The following PNKD variants were observed in gnomAD, a reference collection of about 807,000 sequenced individuals.
The protein encoded by PNKD is PNKD metallo-beta-lactamase domain containing, also known as probable thioesterase PNKD.
PNKD carries 36 observed loss-of-function variants against 45.3 expected under a neutral mutation model. That is an observed-to-expected ratio of 0.80 (90% CI 0.61 to 1.05). The LOEUF is 1.05. PNKD is among the 50% of genes least tolerant of loss of function. The pLI is 0.00. For synonymous variants in PNKD, 197 were observed against 210.1 expected (o/e 0.94, Z 0.54); for missense variants, 511 against 506.6 (o/e 1.01, Z -0.08).
chr2:218,293,324 C>T (rs920805358), intron 2 of PNKD, among the ~76,000 whole-genome samples: 2 of 152,176 alleles, frequency 1.3e-5, no homozygotes, highest in Admixed American at 6.5e-5. Context: ...CTCACACCTG[C>T]GATCCTAGCA....
chr2:218,340,633 T>C lies in PNKD; in HGVS notation c.466-95T>C. 1.1e-6 allele frequency: 1 copy of C among 879,022 alleles called. No individual in the cohort carries two copies. Among genetic ancestry groups the C allele is most frequent in the Non-Finnish European group, 2.0e-6 (1 of 511,810 alleles). 54.5% of individuals were successfully genotyped at this position (879,022 alleles called of 1,614,324 possible). A position where few individuals can be genotyped will look rare whatever the true frequency, so the allele number is the denominator to read the frequency against. On this transcript the variant is annotated intron_variant, in intron 4 of 9. Transcript: ENST00000273077. This position sits in a 1 kb window ranked among gnomAD's most constrained non-coding sequence, Gnocchi z 4.2. ...TCTGCTTCATCTCTCCATGCTCTCC[T>C]CTCCTCTCCACCAGCGCCCACACTC...
intron 2 of PNKD, among the ~76,000 whole-genome samples, chr2:218,298,395 C>T (rs986040608): frequency 6.6e-6 from 1 of 152,320 alleles, no homozygotes. Flanking sequence ...TGGTGATAGA[C>T]AGTCCTGGGT....
chr2:218,343,822 T>G (rs757998893), intron 8 of PNKD, among the ~76,000 whole-genome samples: 2 of 152,178 alleles, frequency 1.3e-5, no homozygotes, highest in Non-Finnish European at 2.9e-5. Flanking sequence ...GCCTTCAGCC[T>G]CTTGGGAGCC....
intron 2 of PNKD, chr2:218,278,054 T>TG (rs1194949157): frequency 1.3e-6 from 2 of 1,500,580 alleles, no homozygotes; most frequent in Admixed American, 3.6e-5. Flanking sequence ...AGGAAGCGCT[T>TG]GGCTCCTGTG....
At chr2:218,306,973 C>G (rs1422381157) in intron 2 of PNKD, among the ~76,000 whole-genome samples, 3 of 152,186 alleles carry the variant, frequency 2.0e-5, no homozygotes, top group Non-Finnish European at 4.4e-5. Flanking sequence ...TACACCTAAA[C>G]CTACCAAACA....
chr2:218,315,012 T>TTTTCTTTTTC (rs1553667686), intron 2 of PNKD, among the ~76,000 whole-genome samples: 1 of 4,052 alleles, frequency 2.5e-4, no homozygotes, highest in South Asian at 6.2e-3. Flanking sequence ...CTTTCTTTCT[T>TTTTCTTTTTC]TTTCTTTCTT....
chr2:218,299,938 G>A (rs1192196637), intron 2 of PNKD, among the ~76,000 whole-genome samples: 1 of 151,286 alleles, frequency 6.6e-6, no homozygotes, highest in Non-Finnish European at 1.5e-5. Flanking sequence ...GTAATTTTTT[G>A]TAAAGATGGG....
At chr2:218,279,235 G>A (rs1327624249) in intron 2 of PNKD, 3 of 1,560,220 alleles carry the variant, frequency 1.9e-6, no homozygotes, top group Non-Finnish European at 2.6e-6. Context: ...CCCCCAGCAG[G>A]TGACCCTGAA....
chr2:218,324,651 T>C (rs892521523), intron 2 of PNKD, among the ~76,000 whole-genome samples: 6 of 152,168 alleles, frequency 3.9e-5, no homozygotes, highest in Non-Finnish European at 7.3e-5. Flanking sequence ...GAAAAATATT[T>C]AGGCCAGGTG....
At position 218,340,145 on chromosome 2, in the gene PNKD, A is replaced by C. The variant is rs1316146066; in HGVS notation, c.465+4A>C. Reference sequence around the variant, plus strand: ...TTCAGACCCTCGGGCTGTGCAGGTGAGGGGAGGGCAGGGAGCAGGGGGTGC... The same window carrying C: ...TTCAGACCCTCGGGCTGTGCAGGTGCGGGGAGGGCAGGGAGCAGGGGGTGC... On this transcript the variant is annotated splice_donor_region_variant and intron_variant, in intron 4 of 9. Transcript: ENST00000273077. This position sits in a 1 kb window ranked among gnomAD's most constrained non-coding sequence, Gnocchi z 4.2. 6.3e-7 allele frequency: 1 copy of C among 1,581,204 alleles called. No homozygotes were observed. The highest frequency in any genetic ancestry group is 8.7e-7 in the Non-Finnish European group (1 of 1,150,960).
chr2:218,280,076 C>T (rs748185606), intron 2 of PNKD: 25 of 1,614,016 alleles, frequency 1.5e-5, no homozygotes, highest in South Asian at 9.9e-5. Flanking sequence ...TCTCCAGGCC[C>T]GAAGCTATCA....
At chr2:218,309,758 C>T (rs552470036) in intron 2 of PNKD, among the ~76,000 whole-genome samples, 1 of 151,232 alleles carries the variant, frequency 6.6e-6, no homozygotes, top group African/African-American at 2.4e-5. Flanking sequence ...ATGGTGAGAC[C>T]CCATCTCTAC....
chr2:218,336,631 C>A lies in PNKD; in HGVS notation c.237-3152C>A, dbSNP rs566407430. On this transcript the variant is annotated intron_variant, in intron 2 of 9. Transcript: ENST00000273077. ...AAGTAGCTGGGACCACAAGTGCATGCCACCATGCCTGCCTAATTTTTGCAT... is the reference window on the plus strand; with the variant it reads ...AAGTAGCTGGGACCACAAGTGCATGACACCATGCCTGCCTAATTTTTGCAT... Among the ~76,000 whole-genome samples, 10 of 151,922 alleles carry A rather than the reference C, an allele frequency of 6.6e-5. No homozygotes were observed. The South Asian group carries it at 1.9e-3, about 28-fold the overall frequency.
At chr2:218,333,975 C>T (rs777792271) in intron 2 of PNKD, among the ~76,000 whole-genome samples, 6 of 81,570 alleles carry the variant, frequency 7.4e-5, no homozygotes, top group Non-Finnish European at 1.8e-4. Flanking sequence ...ATTAGCCGGG[C>T]GTGGTGGCGG....
intron 2 of PNKD, among the ~76,000 whole-genome samples, chr2:218,317,699 T>C (rs781243146): frequency 6.6e-6 from 1 of 152,006 alleles, no homozygotes; most frequent in Non-Finnish European, 1.5e-5. Flanking sequence ...GCAGAGGACG[T>C]TGGGGAAGGA....
Position 218,272,828 on chromosome 2 carries a change from G to C in PNKD, c.236+1279G>C, listed in dbSNP as rs369843065. The C allele has an allele frequency of 3.1e-6, 5 of 1,611,800 alleles. No homozygotes were observed. The South Asian group carries it at 4.4e-5, about 14-fold the overall frequency. ...TCAGGTTTGGCCCAGATTCCAGTTC[G>C]TGCCTCTGAGGTCCACCAGAGGGCG... On this transcript the variant is annotated intron_variant, in intron 2 of 9. Transcript: ENST00000273077.
Position 218,339,879 on chromosome 2 carries a change from C to G in PNKD, c.333C>G (p.Thr111=), listed in dbSNP as rs1239020217. ...RNRYPKGHSK[T]QPRLFNGVKV... Reference sequence around the variant, plus strand: ...GCTACCCTAAAGGCCACTCGAAAACCCAGCCCCGCCTCTTCAATGGTGAGC... The same window carrying G: ...GCTACCCTAAAGGCCACTCGAAAACGCAGCCCCGCCTCTTCAATGGTGAGC... Residue 111 remains threonine (T), a synonymous_variant, in exon 3 of 10, where the codon ACC becomes ACG. Transcript: ENST00000273077. 6.3e-7 allele frequency: 1 copy of G among 1,596,078 alleles called. No homozygotes were observed. Among genetic ancestry groups the G allele is most frequent in the South Asian group, 1.1e-5 (1 of 90,002 alleles).
intron 2 of PNKD, among the ~76,000 whole-genome samples, chr2:218,321,356 C>T (rs560986571): frequency 4.9e-4 from 74 of 152,244 alleles, no homozygotes; most frequent in African/African-American, 1.7e-3. Context: ...AGTTTTCTCA[C>T]TCCTCTGTCT....
chr2:218,275,859 G>A (rs1691151972), intron 2 of PNKD, among the ~76,000 whole-genome samples: 1 of 152,186 alleles, frequency 6.6e-6, no homozygotes, highest in African/African-American at 2.4e-5. Context: ...AACAAGAGAT[G>A]GCAAGAGTGC....
Sources: gnomAD v4.1 joint callset for allele counts (sites outside exome capture counted in the v4.1 genomes callset) on GRCh38, gnomAD v4.1.1 for gene constraint, Gnocchi (gnomAD v3.1) non-coding constraint, MANE v1.5 for transcripts, NCBI Gene and HGNC (gene_info 2026-07-23, HGNC 2026-07-21) for gene names.